ZNF705G: variants seen among roughly 807,000 people sequenced by gnomAD.
ZNF705G encodes putative zinc finger protein 705G.
Under a neutral mutation model 19.6 loss-of-function variants are expected in ZNF705G, and 23 were observed. That is an observed-to-expected ratio of 1.17 (90% confidence interval 0.84 to 1.66). The LOEUF is 1.66. Ranked by LOEUF, ZNF705G falls within the 40% of genes most tolerant of loss-of-function variation. ZNF705G has a pLI of 0.00. For missense variants in ZNF705G, 457 were observed against 354.4 expected, an observed-to-expected ratio of 1.29 and a Z score of -2.32; for synonymous variants, 146 against 117.7, an observed-to-expected ratio of 1.24 and a Z score of -1.56.
rs561827835 is a variant in ZNF705G at position 7,369,556 on chromosome 8, C to G, written c.-71-6539G>C. ...AGCCATGGGGACTGACCCTTGTATC[C>G]AAAAGAAAATAAATTGTTCTACCAT... On this transcript the variant is annotated intron_variant, in intron 2 of 6. Coordinates refer to ENST00000400156, the MANE Select transcript of ZNF705G (RefSeq NM_001164457.3). Among the ~76,000 whole-genome samples, 14 of 149,514 alleles carry G rather than the reference C, an allele frequency of 9.4e-5. 1 individual carries two copies. The highest frequency in any genetic ancestry group is 3.6e-4 in the African/African-American group (14 of 38,950).
chr8:7,379,999 G>A (rs1807416976), intron 2 of ZNF705G, among the ~76,000 whole-genome samples: 1 of 141,644 alleles, frequency 7.1e-6, no homozygotes, highest in African/African-American at 3.1e-5. Context: ...CACAATACCA[G>A]CTGAACTCAC....
intron 2 of ZNF705G, among the ~76,000 whole-genome samples, chr8:7,369,263 C>T (rs768904178): frequency 6.7e-6 from 1 of 149,544 alleles, no homozygotes; most frequent in Non-Finnish European, 1.5e-5. Flanking sequence ...TATCAGAAGC[C>T]TTTGCCTGGA....
chr8:7,381,019 C>A (rs7465551), intron 2 of ZNF705G, among the ~76,000 whole-genome samples: 34,344 of 34,758 alleles, frequency 0.99, 16,978 homozygotes, highest in Middle Eastern at 1. Context: ...CTGTCTCAAA[C>A]CACCACCAAA....
chr8:7,360,322 T>C lies in ZNF705G; in HGVS notation c.150A>G (p.Ile50Met), dbSNP rs1209773174. The C allele has an allele frequency of 6.3e-7, 1 of 1,589,054 alleles. No individual in the cohort carries two copies. Among genetic ancestry groups the C allele is most frequent in the East Asian group, 2.2e-5 (1 of 44,840 alleles). The change falls in exon 5 of 7, where the codon ATA becomes ATG. Residue 50 changes from isoleucine (I) to methionine (M), a missense_variant. Coordinates refer to ENST00000400156, the MANE Select transcript of ZNF705G (RefSeq NM_001164457.3). ...ISHLVSLGYQ[I>M]SKSYIILQLE... ...GCTGCAAAATTATATAGGATTTGCT[T>C]ATCTGGTACCCTGTTAGTGGAAAGA...
At position 7,370,018 on chromosome 8, in the gene ZNF705G, T is replaced by A. The variant is rs1183468440; in HGVS notation, c.-71-7001A>T. Reference sequence around the variant, plus strand: ...GCCAGTGTAAAAACCTGCACATACATCTCCTGAATCTAAAATAAAAGTTGA... The same window carrying A: ...GCCAGTGTAAAAACCTGCACATACAACTCCTGAATCTAAAATAAAAGTTGA... On this transcript the variant is annotated intron_variant, in intron 2 of 6. Transcript: ENST00000400156. Among the ~76,000 whole-genome samples, 7 of 144,590 alleles carry A rather than the reference T, an allele frequency of 4.8e-5. No individual in the cohort carries two copies. The East Asian group carries it at 1.4e-3, about 29-fold the overall frequency. The allele number at this position is 144,590 out of a possible 152,430, so 94.9% of individuals were successfully genotyped here.
At position 7,357,664 on chromosome 8, in the gene ZNF705G, T is replaced by C. The variant is rs1806335582; in HGVS notation, c.*312A>G. 4.1e-6 allele frequency: 2 copies of C among 491,104 alleles called. No homozygotes were observed. The highest frequency in any genetic ancestry group is 7.1e-6 in the Non-Finnish European group (2 of 282,266). 30.4% of individuals were successfully genotyped at this position (491,104 alleles called of 1,614,324 possible). On this transcript the variant is annotated 3_prime_UTR_variant, in exon 7 of 7. Coordinates refer to ENST00000400156, the MANE Select transcript of ZNF705G (RefSeq NM_001164457.3). ...TACATGTCATACAATTTCTCTTCCA[T>C]ATGAATTTATTGATGTGGACTGAAG...
chr8:7,360,669 A>G lies in ZNF705G; in HGVS notation c.140-337T>C, dbSNP rs1806533235. On this transcript the variant is annotated intron_variant, in intron 4 of 6. Coordinates refer to ENST00000400156, the MANE Select transcript of ZNF705G (RefSeq NM_001164457.3). ...GCACAGTGTGTTTACTATTATTCTC[A>G]CGCACAACAAAAAAAAACATTCGAT... 2.7e-5 allele frequency among the ~76,000 whole-genome samples: 4 copies of G among 149,516 alleles called. No individual in the cohort carries two copies. The South Asian group carries it at 8.4e-4, about 31-fold the overall frequency.
chr8:7,358,380 T>G lies in ZNF705G; in HGVS notation c.499A>C (p.Thr167Pro), dbSNP rs750192704. ...TTACACTGATATGATTTACCTTTAG[T>G]ATGAATTTGTTTATGTGGTTCAGTG... ...LSTEPHKQIH[T>P]KGKSYQCNLC... The change falls in exon 7 of 7, where the codon ACT (threonine) becomes CCT (proline). Residue 167 changes from threonine to proline, a missense_variant. Coordinates refer to ENST00000400156, the MANE Select transcript of ZNF705G (RefSeq NM_001164457.3). 6.2e-7 allele frequency: 1 copy of G among 1,607,658 alleles called. No homozygotes were observed. Among genetic ancestry groups the G allele is most frequent in the Non-Finnish European group, 8.5e-7 (1 of 1,179,604 alleles).
intron 2 of ZNF705G, among the ~76,000 whole-genome samples, chr8:7,368,909 A>G (rs1806976512): frequency 1.3e-5 from 2 of 149,682 alleles, no homozygotes; most frequent in South Asian, 4.2e-4. Context: ...CTGCAGGTGC[A>G]CAAGGTACAG....
At chr8:7,383,723 C>A (rs1277102418) in intron 1 of ZNF705G, among the ~76,000 whole-genome samples, 401 of 145,780 alleles carry the variant, frequency 2.8e-3, no homozygotes, top group African/African-American at 0.011. Context: ...ATAAAAGAGG[C>A]CTGAAGGAGC....
intron 2 of ZNF705G, among the ~76,000 whole-genome samples, chr8:7,374,915 A>G (rs1426370975): frequency 1.1e-5 from 1 of 94,972 alleles, no homozygotes; most frequent in East Asian, 3.4e-4. Context: ...AAGGTTTACA[A>G]GAAAGAACAA....
At position 7,359,960 on chromosome 8, in the gene ZNF705G, T is replaced by C. The variant is rs1585408354; in HGVS notation, c.236-259A>G. On this transcript the variant is annotated intron_variant, in intron 5 of 6. Transcript: ENST00000400156. ...AAAAGAGGGATAGTCTTCACAGGGG[T>C]ATCAGGAAAAGAGTCAGCATATGAA... Among the ~76,000 whole-genome samples the C allele has an allele frequency of 2.7e-5, 4 of 149,240 alleles. No homozygotes were observed. In the South Asian group the frequency reaches 8.4e-4, roughly 31 times the overall value.
intron 2 of ZNF705G, among the ~76,000 whole-genome samples, chr8:7,369,932 G>C (rs1257749675): frequency 1.3e-5 from 2 of 149,110 alleles, no homozygotes; most frequent in African/African-American, 5.2e-5. Context: ...ACTATCTATT[G>C]GGTATTATGT....
At chr8:7,363,703 C>T (rs1806711861) in intron 2 of ZNF705G, among the ~76,000 whole-genome samples, 1 of 149,304 alleles carries the variant, frequency 6.7e-6, no homozygotes, top group South Asian at 2.1e-4. Context: ...TGCCTGTAAT[C>T]CCAGCTACTC....
chr8:7,369,970 T>G (rs1196051359), intron 2 of ZNF705G, among the ~76,000 whole-genome samples: 1 of 149,256 alleles, frequency 6.7e-6, no homozygotes, highest in Non-Finnish European at 1.5e-5. Context: ...AGATCATTCA[T>G]ACTCCTCAGC....
chr8:7,381,082 T>C (rs1324989236), intron 2 of ZNF705G, among the ~76,000 whole-genome samples: 1 of 132,272 alleles, frequency 7.6e-6, no homozygotes, highest in Non-Finnish European at 1.5e-5. Context: ...TGATGTCTGG[T>C]AAACAGAAAG....
intron 1 of ZNF705G, among the ~76,000 whole-genome samples, chr8:7,383,870 T>C (rs1382986913): frequency 6.9e-6 from 1 of 144,278 alleles, no homozygotes; most frequent in East Asian, 2.0e-4. Context: ...TAAGCCACCC[T>C]GTTTATATTA....
chr8:7,382,455 C>A (rs1807540146), intron 1 of ZNF705G, among the ~76,000 whole-genome samples: 2 of 146,578 alleles, frequency 1.4e-5, no homozygotes, highest in African/African-American at 2.8e-5. Flanking sequence ...ATTGAGGATT[C>A]ATCCATTTAT....
At chr8:7,376,461 G>A (rs1357468005) in intron 2 of ZNF705G, among the ~76,000 whole-genome samples, 3 of 113,510 alleles carry the variant, frequency 2.6e-5, no homozygotes, top group Admixed American at 9.8e-5. Context: ...GGTGCTCTGT[G>A]TTACATACAA....
Sources: gnomAD v4.1 joint callset for allele counts (sites outside exome capture counted in the v4.1 genomes callset) on GRCh38, gnomAD v4.1.1 for gene constraint, MANE v1.5 for transcripts, NCBI Gene and HGNC (gene_info 2026-07-23, HGNC 2026-07-21) for gene names.